SLC25A21: variants seen among roughly 807,000 people sequenced by gnomAD.
The protein encoded by SLC25A21 is mitochondrial 2-oxodicarboxylate carrier.
A neutral mutation model predicts 43.8 loss-of-function variants in SLC25A21; 47 were observed. The observed-to-expected ratio is 1.07, with a 90% CI of 0.85 to 1.37. The LOEUF is 1.37. SLC25A21 is among the 40% of genes most tolerant of loss of function. The pLI is 0.00. For missense variants in SLC25A21, 352 were observed against 350.2 expected, an observed-to-expected ratio of 1.00 and a Z score of -0.04; for synonymous variants, 131 against 121.3, an observed-to-expected ratio of 1.08 and a Z score of -0.52.
intron 1 of SLC25A21, among the ~76,000 whole-genome samples, chr14:37,054,427 A>C (rs1431945689): frequency 6.6e-6 from 1 of 152,222 alleles, no homozygotes; most frequent in Non-Finnish European, 1.5e-5. Flanking sequence ...GTAAGCCATG[A>C]AGTTTGAGAA....
chr14:36,745,945 C>CA (rs557702086), intron 3 of SLC25A21, among the ~76,000 whole-genome samples: 218 of 152,008 alleles, frequency 1.4e-3, no homozygotes, highest in African/African-American at 5.2e-3. Flanking sequence ...ATTAAAAAGT[C>CA]AAAAAACAAC....
intron 1 of SLC25A21, among the ~76,000 whole-genome samples, chr14:37,138,082 CTGAGTGATTATCAATCACTTTG>C (rs752888378): frequency 1.3e-5 from 2 of 152,070 alleles, no homozygotes; most frequent in Non-Finnish European, 2.9e-5. Flanking sequence ...TGCTTCTCTC[CTGAGTGATTATCAATCACTTTG>C]GATGTTAGAT....
chr14:36,979,331 G>GTTTT (rs372495518), intron 1 of SLC25A21, among the ~76,000 whole-genome samples: 25 of 122,912 alleles, frequency 2.0e-4, no homozygotes, highest in African/African-American at 1.5e-3. Flanking sequence ...GTGTTTTTTT[G>GTTTT]GTTTTTTTTT....
intron 1 of SLC25A21, among the ~76,000 whole-genome samples, chr14:37,037,022 C>G (rs1275173364): frequency 6.6e-6 from 1 of 152,136 alleles, no homozygotes; most frequent in African/African-American, 2.4e-5. Flanking sequence ...CATAAATGAA[C>G]ATCAAATTAT....
At chr14:37,067,741 C>A (rs1396073925) in intron 1 of SLC25A21, among the ~76,000 whole-genome samples, 1 of 152,182 alleles carries the variant, frequency 6.6e-6, no homozygotes, top group Non-Finnish European at 1.5e-5. Context: ...TCTTTCAACT[C>A]TATCAAATAC....
intron 3 of SLC25A21, among the ~76,000 whole-genome samples, chr14:36,740,629 C>CA (rs1555324678): frequency 5.3e-5 from 7 of 132,930 alleles, no homozygotes; most frequent in Non-Finnish European, 1.0e-4. Context: ...TCAACCCCCC[C>CA]ACCCCCATCT....
In SLC25A21 at chr14:36,680,149, TA is replaced by T; in HGVS notation, c.*508del. The T allele has an allele frequency of 1.2e-6, 1 of 850,600 alleles. No individual in the cohort carries two copies. Among genetic ancestry groups the T allele is most frequent in the Non-Finnish European group, 1.4e-6 (1 of 707,878 alleles). The allele number at this position is 850,600 out of a possible 1,614,324, so 52.7% of individuals were successfully genotyped here. A position where few individuals can be genotyped will look rare whatever the true frequency, so the allele number is the denominator to read the frequency against. ...CTTAAAAGGTCATTTTAGTGCACTT[TA>T]AAAAATTTTTCTTGTGCTCTTTAAA... On this transcript the variant is annotated 3_prime_UTR_variant, in exon 10 of 10. Coordinates refer to ENST00000331299, the MANE Select transcript of SLC25A21 (RefSeq NM_030631.4).
intron 1 of SLC25A21, among the ~76,000 whole-genome samples, chr14:36,994,812 G>A (rs986694129): frequency 2.0e-5 from 3 of 152,044 alleles, no homozygotes; most frequent in Admixed American, 2.0e-4. Context: ...AAGGAAACGT[G>A]GCATTAAACC....
In SLC25A21 at chr14:37,141,827, C is replaced by T. The variant is rs1459559167; in HGVS notation, c.70+30454G>A. Among the ~76,000 whole-genome samples, 7 of 152,246 alleles carry T rather than the reference C, an allele frequency of 4.6e-5. No individual in the cohort carries two copies. In the South Asian group the frequency reaches 8.3e-4, roughly 18 times the overall value. On this transcript the variant is annotated intron_variant, in intron 1 of 9. Transcript: ENST00000331299. ...CTGTAATCAGCTATTTCTACATTTTCGTCTGAGTACTTTGATATGATACAG... is the reference window on the plus strand; with the variant it reads ...CTGTAATCAGCTATTTCTACATTTTTGTCTGAGTACTTTGATATGATACAG...
chr14:36,920,004 TTGC>T (rs1891937351), intron 1 of SLC25A21, among the ~76,000 whole-genome samples: 3 of 152,044 alleles, frequency 2.0e-5, no homozygotes, highest in African/African-American at 7.2e-5. Context: ...TTTCCTTTGA[TTGC>T]TAATTTTAAC....
At chr14:36,979,587 C>T (rs1008302921) in intron 1 of SLC25A21, among the ~76,000 whole-genome samples, 1 of 152,136 alleles carries the variant, frequency 6.6e-6, no homozygotes, top group Non-Finnish European at 1.5e-5. Context: ...AACTACCGAC[C>T]TTCAGTGATC....
At chr14:36,915,643 T>C (rs1891810201) in intron 1 of SLC25A21, among the ~76,000 whole-genome samples, 1 of 152,126 alleles carries the variant, frequency 6.6e-6, no homozygotes, top group Non-Finnish European at 1.5e-5. Context: ...GTGGAACATC[T>C]GACTTTAATT....
intron 2 of SLC25A21, among the ~76,000 whole-genome samples, chr14:36,824,099 C>A (rs1888732754): frequency 1.3e-5 from 2 of 152,172 alleles, no homozygotes; most frequent in Admixed American, 6.6e-5. Context: ...CTCTGGAGAC[C>A]TAATATACTA....
intron 7 of SLC25A21, among the ~76,000 whole-genome samples, chr14:36,703,081 A>C (rs1355980912): frequency 1.3e-5 from 2 of 152,228 alleles, no homozygotes; most frequent in African/African-American, 2.4e-5. Context: ...TTTCTTAATG[A>C]AACTTTAATG....
At chr14:36,897,706 G>C (rs995596591) in intron 1 of SLC25A21, among the ~76,000 whole-genome samples, 1 of 152,066 alleles carries the variant, frequency 6.6e-6, no homozygotes, top group African/African-American at 2.4e-5. Context: ...GTACAGATGG[G>C]GTTTTGGTGT....
At chr14:37,054,824 A>G (rs936812156) in intron 1 of SLC25A21, among the ~76,000 whole-genome samples, 2 of 152,258 alleles carry the variant, frequency 1.3e-5, no homozygotes, top group Non-Finnish European at 2.9e-5. Context: ...CTCGCAGCAA[A>G]ATAATCTCAA....
At chr14:36,903,521 G>A (rs111953773) in intron 1 of SLC25A21, among the ~76,000 whole-genome samples, 8,136 of 145,318 alleles carry the variant, frequency 0.056, 456 homozygotes, top group African/African-American at 0.15. Context: ...GCTGAGGCAG[G>A]AGAATCGCTT....
intron 7 of SLC25A21, among the ~76,000 whole-genome samples, chr14:36,704,957 A>G (rs1432009374): frequency 6.6e-6 from 1 of 152,214 alleles, no homozygotes; most frequent in Non-Finnish European, 1.5e-5. Context: ...TTTTTCTGTG[A>G]TAACTTAAAA....
At chr14:36,985,166 G>C (rs552509886) in intron 1 of SLC25A21, among the ~76,000 whole-genome samples, 2 of 147,004 alleles carry the variant, frequency 1.4e-5, no homozygotes, top group Non-Finnish European at 3.0e-5. Flanking sequence ...TCACACTCTG[G>C]GGACTGTTGT....
Sources: gnomAD v4.1 joint callset for allele counts (sites outside exome capture counted in the v4.1 genomes callset) on GRCh38, gnomAD v4.1.1 for gene constraint, MANE v1.5 for transcripts, NCBI Gene and HGNC (gene_info 2026-07-23, HGNC 2026-07-21) for gene names.